PRKACB: variants seen among roughly 807,000 people sequenced by gnomAD.
PRKACB encodes protein kinase cAMP-activated catalytic subunit beta, also known as cAMP-dependent protein kinase catalytic subunit beta.
In PRKACB, 16 loss-of-function variants were observed where a neutral mutation model predicts 51.4. The ratio of observed to expected loss-of-function variants is 0.31; its 90% CI spans 0.21 to 0.47. PRKACB has a LOEUF of 0.47. Among genes scored for constraint, PRKACB ranks in the 20% least tolerant of loss-of-function variants. The pLI is 1.00. For synonymous variants in PRKACB, 147 were observed against 154.4 expected (o/e 0.95, Z 0.35); for missense variants, 309 against 464.5 (o/e 0.67, Z 3.08).
chr1:84,214,400 C>A, intron 9 of PRKACB, 83 bp downstream of exon 9: 1 of 1,276,580 alleles, frequency 7.8e-7, no homozygotes, highest in Non-Finnish European at 1.1e-6. Context: ...CAACTTAACA[C>A]ATAGTTTTAA....
At chr1:84,222,801 G>T (rs2101634270) in intron 9 of PRKACB, among the ~76,000 whole-genome samples, 2 of 152,224 alleles carry the variant, frequency 1.3e-5, no homozygotes, top group South Asian at 4.2e-4. Flanking sequence ...TGGTGGCAGG[G>T]TTTGTTTTTT....
chr1:84,124,786 T>C (rs1207473867), intron 1 of PRKACB, among the ~76,000 whole-genome samples: 2 of 152,182 alleles, frequency 1.3e-5, no homozygotes, highest in African/African-American at 4.8e-5. Flanking sequence ...AAAGCCCATC[T>C]GGAGATTTAG....
chr1:84,230,367 G>C (rs1260786025), intron 9 of PRKACB, among the ~76,000 whole-genome samples: 1 of 152,208 alleles, frequency 6.6e-6, no homozygotes, highest in Non-Finnish European at 1.5e-5. Flanking sequence ...CAGGTAGTGA[G>C]ATGCCTCCAG....
chr1:84,152,658 A>G (rs2100649744), intron 1 of PRKACB, among the ~76,000 whole-genome samples: 1 of 152,252 alleles, frequency 6.6e-6, no homozygotes, highest in Non-Finnish European at 1.5e-5. Context: ...TGCTAGCTTC[A>G]GACTTCTGCA....
intron 1 of PRKACB, among the ~76,000 whole-genome samples, chr1:84,104,639 G>A (rs867346022): frequency 6.6e-6 from 1 of 151,942 alleles, no homozygotes. Context: ...AAAGACTATT[G>A]TCTTTTTAAC....
chr1:84,122,865 C>A (rs1355277333), intron 1 of PRKACB, among the ~76,000 whole-genome samples: 1 of 152,078 alleles, frequency 6.6e-6, no homozygotes, highest in Admixed American at 6.6e-5. Context: ...ATTTCTGGTA[C>A]ATTACACTTT....
At chr1:84,083,390 TTCTTATTCTCCTCC>T (rs60235011) in intron 1 of PRKACB, among the ~76,000 whole-genome samples, 7,293 of 152,306 alleles carry the variant, frequency 0.048, 236 homozygotes, top group Middle Eastern at 0.11. Context: ...GGAACCATTT[TTCTTATTCTCCTCC>T]TCTTATTCTC....
chr1:84,173,190 A>AT (rs1365148734), intron 1 of PRKACB: 1 of 527,168 alleles, frequency 1.9e-6, no homozygotes, highest in Admixed American at 4.1e-5. Context: ...TATATAATAC[A>AT]TTTTTGGTAT....
At chr1:84,115,886 C>CAAAAAAAA (rs60541006) in intron 1 of PRKACB, among the ~76,000 whole-genome samples, 4 of 63,830 alleles carry the variant, frequency 6.3e-5, no homozygotes, top group East Asian at 5.9e-4. Flanking sequence ...ACTCTTGTCT[C>CAAAAAAAA]AAAAAAAAAA....
At chr1:84,201,177 G>A (rs1669999311) in intron 7 of PRKACB, among the ~76,000 whole-genome samples, 1 of 152,024 alleles carries the variant, frequency 6.6e-6, no homozygotes, top group South Asian at 2.1e-4. Flanking sequence ...TCTACCATTA[G>A]TGTATTATAG....
intron 1 of PRKACB, among the ~76,000 whole-genome samples, chr1:84,134,359 C>T (rs1473135811): frequency 2.0e-5 from 3 of 152,100 alleles, no homozygotes; most frequent in Admixed American, 6.6e-5. Flanking sequence ...GGGACCCTGC[C>T]CTTTTCTGCC....
upstream of PRKACB, among the ~76,000 whole-genome samples, chr1:84,139,272 A>T (rs146091745): frequency 2.1e-3 from 320 of 152,312 alleles, 1 homozygote; most frequent in African/African-American, 7.4e-3. Context: ...CTGCCTACAT[A>T]GAAAATTGCA....
intron 8 of PRKACB, among the ~76,000 whole-genome samples, chr1:84,208,048 A>C (rs1671602748): frequency 6.6e-6 from 1 of 151,922 alleles, no homozygotes; most frequent in African/African-American, 2.4e-5. Flanking sequence ...TTGTGTTTTT[A>C]GTAGGGACAG....
chr1:84,173,445 T>C (rs753980022), intron 1 of PRKACB: 16 of 1,096,136 alleles, frequency 1.5e-5, no homozygotes, highest in Non-Finnish European at 1.9e-5. Context: ...TTAGAATATT[T>C]TGTGTTGAGT....
upstream of PRKACB, among the ~76,000 whole-genome samples, chr1:84,142,389 A>G (rs1310257138): frequency 6.6e-6 from 1 of 152,172 alleles, no homozygotes; most frequent in Non-Finnish European, 1.5e-5. Flanking sequence ...CAGTAATTTT[A>G]TCCACTTCTT....
intron 8 of PRKACB, among the ~76,000 whole-genome samples, chr1:84,203,098 A>C (rs988631260): frequency 1.3e-5 from 2 of 152,024 alleles, no homozygotes; most frequent in African/African-American, 4.8e-5. Flanking sequence ...ATAAATAAAA[A>C]TAGTTTATTA....
chr1:84,147,817 T>G (rs567077413), intron 1 of PRKACB, among the ~76,000 whole-genome samples: 11 of 152,152 alleles, frequency 7.2e-5, no homozygotes, highest in Non-Finnish European at 1.3e-4. Flanking sequence ...ACTTAAAAGG[T>G]TTAGTAAGAT....
At chr1:84,166,194 ATC>A (rs977642198) in intron 1 of PRKACB, among the ~76,000 whole-genome samples, 15 of 151,864 alleles carry the variant, frequency 9.9e-5, no homozygotes, top group African/African-American at 3.4e-4. Flanking sequence ...ACTGAAATAG[ATC>A]TGTTTTAAAT....
At chr1:84,153,351 G>A (rs868400616) in intron 1 of PRKACB, among the ~76,000 whole-genome samples, 54 of 152,282 alleles carry the variant, frequency 3.5e-4, no homozygotes, top group African/African-American at 1.2e-3. Flanking sequence ...CAACAGATTT[G>A]CTTGACACAA....
Sources: gnomAD v4.1 joint callset for allele counts (sites outside exome capture counted in the v4.1 genomes callset) on GRCh38, gnomAD v4.1.1 for gene constraint, MANE v1.5 for transcripts, NCBI Gene and HGNC (gene_info 2026-07-23, HGNC 2026-07-21) for gene names.